Variants in ANTXR1 observed in about 807,000 individuals in gnomAD.
The protein encoded by ANTXR1 is ANTXR cell adhesion molecule 1.
In ANTXR1, 19 loss-of-function variants were observed where a neutral mutation model predicts 78.1. That is an observed-to-expected ratio of 0.24 (90% CI 0.17 to 0.36). The LOEUF (loss-of-function observed/expected upper bound fraction) is 0.36. Among genes scored for constraint, ANTXR1 ranks in the 10% least tolerant of loss-of-function variants. ANTXR1 has a pLI of 1.00. For missense variants in ANTXR1, 518 were observed against 718.6 expected, an observed-to-expected ratio of 0.72 and a Z score of 3.19; for synonymous variants, 273 against 260.5, an observed-to-expected ratio of 1.05 and a Z score of -0.46.
chr2:69,219,868 T>G (rs963023767), intron 17 of ANTXR1, among the ~76,000 whole-genome samples: 1 of 152,170 alleles, frequency 6.6e-6, no homozygotes, highest in Non-Finnish European at 1.5e-5. Flanking sequence ...AAGGGTCCCC[T>G]TTCCCACTGT....
At chr2:69,230,588 G>A (rs781640446) in intron 17 of ANTXR1, among the ~76,000 whole-genome samples, 1 of 152,126 alleles carries the variant, frequency 6.6e-6, no homozygotes, top group Non-Finnish European at 1.5e-5. Flanking sequence ...ATGGCAATTT[G>A]AGTATATGTA....
At chr2:69,032,786 GA>G (rs1029419680) in intron 1 of ANTXR1, among the ~76,000 whole-genome samples, 21 of 151,936 alleles carry the variant, frequency 1.4e-4, no homozygotes, top group African/African-American at 4.4e-4. Flanking sequence ...TGTGCCTGTC[GA>G]AAAAGGCAGA....
intron 1 of ANTXR1, among the ~76,000 whole-genome samples, chr2:69,034,582 C>T (rs1671621552): frequency 6.6e-6 from 1 of 152,144 alleles, no homozygotes; most frequent in Non-Finnish European, 1.5e-5. Context: ...AATTAGGGAC[C>T]TTTTACATCC....
At chr2:69,038,079 C>T (rs1669497813) in intron 1 of ANTXR1, among the ~76,000 whole-genome samples, 1 of 152,140 alleles carries the variant, frequency 6.6e-6, no homozygotes. Flanking sequence ...GGATTAAAAA[C>T]CACCCCCCTT....
chr2:69,226,749 G>A (rs79587580), intron 17 of ANTXR1, among the ~76,000 whole-genome samples: 2,116 of 152,246 alleles, frequency 0.014, 27 homozygotes, highest in South Asian at 0.03. Flanking sequence ...AATAAAATTC[G>A]TTGGTAATTA....
chr2:69,024,492 A>G (rs918690273), intron 1 of ANTXR1, among the ~76,000 whole-genome samples: 2 of 152,218 alleles, frequency 1.3e-5, no homozygotes, highest in Admixed American at 6.5e-5. Flanking sequence ...TACACTAAAC[A>G]GAGCTGAGAA....
intron 17 of ANTXR1, among the ~76,000 whole-genome samples, chr2:69,218,865 G>A (rs1001294823): frequency 2.6e-5 from 4 of 152,106 alleles, no homozygotes; most frequent in Non-Finnish European, 5.9e-5. Flanking sequence ...AATTGGGGTG[G>A]GAAGCCTCAA....
At position 69,066,461 on chromosome 2, in the gene ANTXR1, AT is replaced by A. The variant is rs199731730; in HGVS notation, c.297-4178del. Among the ~76,000 whole-genome samples, 1,213 of 151,762 alleles carry A rather than the reference AT, an allele frequency of 8.0e-3. 16 individuals carry two copies. The highest frequency in any genetic ancestry group is 0.027 in the African/African-American group (1,104 of 41,344). On this transcript the variant is annotated intron_variant, in intron 3 of 17. Coordinates refer to ENST00000303714, the MANE Select transcript of ANTXR1 (RefSeq NM_032208.3). ...CAGGCATACACCACCATGCCCAGCT[AT>A]TTTTTTTAATTTAATTTTTTTCTTA...
intron 17 of ANTXR1, among the ~76,000 whole-genome samples, chr2:69,229,201 G>A (rs575250246): frequency 5.9e-5 from 9 of 152,220 alleles, no homozygotes; most frequent in South Asian, 2.1e-4. Context: ...ACACACATTC[G>A]GTCCATAACA....
At chr2:69,015,272 C>CA (rs10536364) in intron 1 of ANTXR1, among the ~76,000 whole-genome samples, 6,032 of 91,446 alleles carry the variant, frequency 0.066, 166 homozygotes, top group Non-Finnish European at 0.082. Flanking sequence ...CTTATCTTAG[C>CA]AAAAAAAAAA....
chr2:69,091,136 AT>A (rs1363666217), intron 9 of ANTXR1, among the ~76,000 whole-genome samples: 2 of 149,126 alleles, frequency 1.3e-5, no homozygotes, highest in African/African-American at 4.9e-5. Context: ...AAAAAAAAAA[AT>A]CTGTCCAAAT....
intron 10 of ANTXR1, among the ~76,000 whole-genome samples, chr2:69,118,015 C>T (rs1648984471): frequency 6.6e-6 from 1 of 152,138 alleles, no homozygotes; most frequent in Non-Finnish European, 1.5e-5. Context: ...TGTCAGACTC[C>T]TATAGACAGA....
At chr2:69,109,014 G>A (rs1273949048) in intron 10 of ANTXR1, among the ~76,000 whole-genome samples, 2 of 152,268 alleles carry the variant, frequency 1.3e-5, no homozygotes, top group East Asian at 1.9e-4. Context: ...ACAAGCTCTG[G>A]AGCCAGACCA....
intron 3 of ANTXR1, among the ~76,000 whole-genome samples, chr2:69,070,035 A>G (rs554362137): frequency 6.6e-6 from 1 of 152,276 alleles, no homozygotes; most frequent in African/African-American, 2.4e-5. Flanking sequence ...CCCCCAAGTC[A>G]TTTATGTTTC....
chr2:69,222,450 T>C (rs867416660), intron 17 of ANTXR1, among the ~76,000 whole-genome samples: 11 of 152,232 alleles, frequency 7.2e-5, no homozygotes, highest in Non-Finnish European at 1.2e-4. Flanking sequence ...GAACTATCAT[T>C]GTCTCCATCT....
intron 17 of ANTXR1, among the ~76,000 whole-genome samples, chr2:69,235,392 T>C (rs1366701742): frequency 6.6e-6 from 1 of 151,798 alleles, no homozygotes; most frequent in East Asian, 1.9e-4. Flanking sequence ...TTCACGCCTG[T>C]AAATCCCAGC....
At chr2:69,146,850 A>G (rs1673243167) in intron 12 of ANTXR1, among the ~76,000 whole-genome samples, 1 of 152,224 alleles carries the variant, frequency 6.6e-6, no homozygotes, top group South Asian at 2.1e-4. Flanking sequence ...ATGTGGCCCT[A>G]TGGTCTCACC....
chr2:69,066,285 T>A lies in ANTXR1; in HGVS notation c.297-4362T>A, dbSNP rs942902271. Among the ~76,000 whole-genome samples the A allele has an allele frequency of 2.6e-5, 4 of 152,188 alleles. No homozygotes were observed. In the East Asian group the frequency reaches 7.7e-4, roughly 29 times the overall value. On this transcript the variant is annotated intron_variant, in intron 3 of 17. Coordinates refer to ENST00000303714, the MANE Select transcript of ANTXR1 (RefSeq NM_032208.3). The stretch of plus-strand genomic sequence containing the variant: ...ATTCTATGTGTGTCCATCTTTTATT[T>A]TTTTTTCTTTCTTTTATTTATTTTT...
rs546105157 is a variant in ANTXR1 at position 69,246,371 on chromosome 2, T to C, written c.*886T>C. Reference sequence around the variant, plus strand: ...AAGGTTTGGCTTCAGTTTAAATCACTTGAGGTATGAAGTTTATCCTGTTTT... The same window carrying C: ...AAGGTTTGGCTTCAGTTTAAATCACCTGAGGTATGAAGTTTATCCTGTTTT... On this transcript the variant is annotated 3_prime_UTR_variant, in exon 18 of 18. Transcript: ENST00000303714. 2 of 152,366 alleles carry C rather than the reference T, an allele frequency of 1.3e-5. No homozygotes were observed. Among genetic ancestry groups the C allele is most frequent in the East Asian group, 1.9e-4 (1 of 5,186 alleles). 9.4% of individuals were successfully genotyped at this position (152,366 alleles called of 1,614,324 possible).
Sources: allele counts gnomAD v4.1 joint callset (sites outside exome capture counted in the v4.1 genomes callset), GRCh38; gene constraint gnomAD v4.1.1; transcripts MANE v1.5; gene names NCBI Gene and HGNC (gene_info 2026-07-23, HGNC 2026-07-21).